Variants in AVL9 observed in about 807,000 individuals in gnomAD.
AVL9 encodes late secretory pathway protein AVL9 homolog.
A neutral mutation model predicts 79.2 loss-of-function variants in AVL9; 49 were observed. The ratio of observed to expected loss-of-function variants is 0.62; its 90% CI spans 0.49 to 0.79. AVL9 has a LOEUF of 0.79. Ranked by LOEUF, AVL9 falls within the 30% of genes least tolerant of loss-of-function variation. The pLI is 0.00. For synonymous variants in AVL9, 299 were observed against 280.6 expected, an observed-to-expected ratio of 1.07 and a Z score of -0.65; for missense variants, 682 against 776.8, an observed-to-expected ratio of 0.88 and a Z score of 1.45.
intron 1 of AVL9, among the ~76,000 whole-genome samples, chr7:32,529,095 A>G (rs1788527637): frequency 6.6e-6 from 1 of 152,200 alleles, no homozygotes. Flanking sequence ...AAACTATTAA[A>G]AACAGTATTT....
In AVL9 at chr7:32,558,970, C is replaced by A; in HGVS notation, c.721C>A (p.Pro241Thr). Residue 241 changes from proline to threonine, a missense_variant, in exon 10 of 16, where the codon CCC becomes ACC. Transcript: ENST00000318709. ...TCTCAGTGACTGTTCTCAGTATAGA[C>A]CCCGGAAAAGTATGTCTGAAGATGG... ...HGLSDCSQYR[P>T]RKSMSEDGGL... 1 of 1,610,498 alleles carries A rather than the reference C, an allele frequency of 6.2e-7. No homozygotes were observed. Among genetic ancestry groups the A allele is most frequent in the Non-Finnish European group, 8.5e-7 (1 of 1,178,454 alleles).
chr7:32,502,406 A>AAAAG lies in AVL9; in HGVS notation c.93+6612_93+6615dup, dbSNP rs1562748593. ...AAACCCTTTCTCAAAAAAAAAAAAA[A>AAAAG]AAAGAAAGAAAAGGTATCAAACCAT... On this transcript the variant is annotated intron_variant, in intron 1 of 15. Transcript: ENST00000318709. Among the ~76,000 whole-genome samples the AAAAG allele has an allele frequency of 2.5e-3, 349 of 139,946 alleles. 6 individuals carry two copies. The highest frequency in any genetic ancestry group is 3.5e-3 in the Middle Eastern group (1 of 284). 91.8% of individuals were successfully genotyped at this position (139,946 alleles called of 152,430 possible).
intron 10 of AVL9, among the ~76,000 whole-genome samples, chr7:32,560,366 A>G (rs1436751719): frequency 7.4e-5 from 11 of 148,070 alleles, no homozygotes; most frequent in Admixed American, 7.4e-4. Flanking sequence ...ATATAAATGA[A>G]TAAAAATCCT....
intron 2 of AVL9, among the ~76,000 whole-genome samples, chr7:32,544,262 A>T (rs1789364176): frequency 6.6e-6 from 1 of 152,232 alleles, no homozygotes; most frequent in African/African-American, 2.4e-5. Flanking sequence ...CAGTACCATT[A>T]TCACAGCTAA....
At position 32,573,378 on chromosome 7, in the gene AVL9, G is replaced by C. The variant is rs572602537; in HGVS notation, c.1530G>C (p.Ala510=). The C allele has an allele frequency of 1.2e-6, 2 of 1,613,368 alleles. No individual in the cohort carries two copies. The highest frequency in any genetic ancestry group is 2.2e-5 in the East Asian group (1 of 44,894). The change falls in exon 12 of 16, where the codon GCG becomes GCC. Residue 510 remains alanine (A), a synonymous_variant. Transcript: ENST00000318709. ...GGDEWIRAQF[A]VYIHALLAAT... ...ACGAATGGATCCGGGCCCAGTTTGCGGTCTACATTCATGCCCTGCTGGCTG... is the reference window on the plus strand; with the variant it reads ...ACGAATGGATCCGGGCCCAGTTTGCCGTCTACATTCATGCCCTGCTGGCTG...
Position 32,584,208 on chromosome 7 carries a change from T to G in AVL9, c.*301T>G, listed in dbSNP as rs549347529. The G allele has an allele frequency of 5.8e-4, 197 of 339,770 alleles. No homozygotes were observed. The highest frequency in any genetic ancestry group is 3.7e-3 in the African/African-American group (178 of 47,966). The allele number at this position is 339,770 out of a possible 1,614,324, so 21.0% of individuals were successfully genotyped here. On this transcript the variant is annotated 3_prime_UTR_variant, in exon 16 of 16. Coordinates refer to ENST00000318709, the MANE Select transcript of AVL9 (RefSeq NM_015060.3). ...TCTGATATTGTACATTGGTTTACTT[T>G]AGAAGAGTTTTTACTTATGTAAATT...
chr7:32,540,993 G>C (rs1281113784), intron 1 of AVL9, among the ~76,000 whole-genome samples: 1 of 140,458 alleles, frequency 7.1e-6, no homozygotes, highest in African/African-American at 2.6e-5. Flanking sequence ...CCGCCTCCCG[G>C]GTTCACGCCA....
rs7797279 is a variant in AVL9 at position 32,506,241 on chromosome 7, C to T, written c.93+10439C>T. On this transcript the variant is annotated intron_variant, in intron 1 of 15. Coordinates refer to ENST00000318709, the MANE Select transcript of AVL9 (RefSeq NM_015060.3). ...CAAATTTTTTTAAACATTTAGAAAT[C>T]AGTCATAAGAGATTAACAAAAATAA... Among the ~76,000 whole-genome samples the T allele has an allele frequency of 7.3e-3, 1,107 of 151,988 alleles. 15 individuals carry two copies. The highest frequency in any genetic ancestry group is 0.024 in the African/African-American group (986 of 41,452).
At chr7:32,502,143 C>A (rs915930651) in intron 1 of AVL9, among the ~76,000 whole-genome samples, 1 of 151,728 alleles carries the variant, frequency 6.6e-6, no homozygotes, top group Non-Finnish European at 1.5e-5. Context: ...ATGGGAAGAT[C>A]GCTTGAGCCC....
At position 32,583,851 on chromosome 7, in the gene AVL9, A is replaced by G. The variant is rs1791637370; in HGVS notation, c.1891A>G (p.Thr631Ala). ...AKTAMSSWLS[T>A]FTTSTSQSLT... ...GACAGCTATGTCTTCATGGCTTTCC[A>G]CTTTCACCACTTCCACCTCCCAAAG... The change falls in exon 16 of 16, where the codon ACT (threonine) becomes GCT (alanine). Residue 631 changes from threonine to alanine, a missense_variant. By Grantham distance (58) the Thr-to-Ala change is moderately conservative. Coordinates refer to ENST00000318709, the MANE Select transcript of AVL9 (RefSeq NM_015060.3). 1 of 1,613,922 alleles carries G rather than the reference A, an allele frequency of 6.2e-7. No individual in the cohort carries two copies. Among genetic ancestry groups the G allele is most frequent in the Non-Finnish European group, 8.5e-7 (1 of 1,180,016 alleles).
intron 3 of AVL9, among the ~76,000 whole-genome samples, chr7:32,547,774 A>G (rs1303033488): frequency 6.6e-6 from 1 of 152,242 alleles, no homozygotes; most frequent in African/African-American, 2.4e-5. Context: ...GATGAATCCA[A>G]TCAGGAGGAA....
At chr7:32,562,108 G>C (rs1790356909) in intron 10 of AVL9, among the ~76,000 whole-genome samples, 1 of 152,198 alleles carries the variant, frequency 6.6e-6, no homozygotes, top group Non-Finnish European at 1.5e-5. Context: ...TGAGATGTGA[G>C]AATTACCAAA....
chr7:32,510,506 A>G (rs1583492130), intron 1 of AVL9, among the ~76,000 whole-genome samples: 2 of 112,424 alleles, frequency 1.8e-5, no homozygotes, highest in African/African-American at 3.5e-5. Context: ...TCTCGTTGGG[A>G]GAATCCACAG....
At chr7:32,532,507 A>G (rs1204287451) in intron 1 of AVL9, 2 of 151,742 alleles carry the variant, frequency 1.3e-5, no homozygotes, top group Admixed American at 1.3e-4. Flanking sequence ...GTCATTTTAT[A>G]TAATAGAGTC....
chr7:32,498,596 T>C (rs1786970596), intron 1 of AVL9, among the ~76,000 whole-genome samples: 2 of 151,878 alleles, frequency 1.3e-5, no homozygotes, highest in African/African-American at 4.8e-5. Context: ...CTATTAACTT[T>C]ATCACTTGAT....
Position 32,558,123 on chromosome 7 carries a change from G to A in AVL9, c.610-436G>A, listed in dbSNP as rs191798805. Among the ~76,000 whole-genome samples, 855 of 150,976 alleles carry A rather than the reference G, an allele frequency of 5.7e-3. 6 individuals carry two copies. The highest frequency in any genetic ancestry group is 9.3e-3 in the Non-Finnish European group (630 of 67,802). On this transcript the variant is annotated intron_variant, in intron 8 of 15. Coordinates refer to ENST00000318709, the MANE Select transcript of AVL9 (RefSeq NM_015060.3). ...CCCGCCTTGGCCTCCCAAAGTGCTGGGATTACAGGTGTGAGCCAGCCACCA... is the reference window on the plus strand; with the variant it reads ...CCCGCCTTGGCCTCCCAAAGTGCTGAGATTACAGGTGTGAGCCAGCCACCA...
At chr7:32,580,193 A>C (rs755359116) in intron 13 of AVL9, 26 bp from the exon 14 acceptor site, 1 of 1,586,134 alleles carries the variant, frequency 6.3e-7, no homozygotes, top group South Asian at 1.1e-5. Flanking sequence ...AAATACTGAT[A>C]GTTTAAACTC....
Position 32,578,005 on chromosome 7 carries a change from C to T in AVL9, c.1688+1933C>T, listed in dbSNP as rs150374192. ...AGCTACAGGGTGATTGGACTGTGTACCCAAGCTCGTGTACCCAACCCGCCA... is the reference window on the plus strand; with the variant it reads ...AGCTACAGGGTGATTGGACTGTGTATCCAAGCTCGTGTACCCAACCCGCCA... On this transcript the variant is annotated intron_variant, in intron 13 of 15. Transcript: ENST00000318709. Among the ~76,000 whole-genome samples the T allele has an allele frequency of 8.0e-3, 1,222 of 152,204 alleles. 7 individuals carry two copies. The highest frequency in any genetic ancestry group is 0.014 in the Non-Finnish European group (946 of 68,012).
chr7:32,510,483 A>T (rs1248955476), intron 1 of AVL9, among the ~76,000 whole-genome samples: 4 of 101,594 alleles, frequency 3.9e-5, no homozygotes, highest in Admixed American at 2.0e-4. Flanking sequence ...GGTGAGATTC[A>T]TGAGCCATCA....
Sources: gnomAD v4.1 joint callset for allele counts (sites outside exome capture counted in the v4.1 genomes callset) on GRCh38, gnomAD v4.1.1 for gene constraint, MANE v1.5 for transcripts, NCBI Gene and HGNC (gene_info 2026-07-23, HGNC 2026-07-21) for gene names.